ERAP1: variants seen among roughly 807,000 people sequenced by gnomAD.
ERAP1 encodes the protein adipocyte-derived leucine aminopeptidase.
In ERAP1, 86 loss-of-function variants were observed where a neutral mutation model predicts 103.7. The ratio of observed to expected loss-of-function variants is 0.83; its 90% CI spans 0.70 to 0.99. The LOEUF (loss-of-function observed/expected upper bound fraction) is 0.99, where lower values mean the gene tolerates loss of function less well. Among genes scored for constraint, ERAP1 ranks in the 50% least tolerant of loss-of-function variants. The pLI is 0.00. For synonymous variants in ERAP1, 398 were observed against 402.4 expected, an observed-to-expected ratio of 0.99 and a Z score of 0.13; for missense variants, 1,009 against 1,128.4, an observed-to-expected ratio of 0.89 and a Z score of 1.52.
At chr5:96,828,406 A>T in the ERAP1 span, among the ~76,000 whole-genome samples, 107,655 of 152,100 alleles carry the variant, frequency 0.71, 39,130 homozygotes, top group Non-Finnish European at 0.79. Flanking sequence ...TCACTTTGGT[A>T]TCAGTCTTTC....
the ERAP1 span, chr5:96,909,661 C>G: frequency 1.2e-6 from 2 of 1,614,176 alleles, no homozygotes; most frequent in East Asian, 2.2e-5. Flanking sequence ...CAGGATGCTC[C>G]GCTCGGCTCT....
chr5:96,926,967 T>A, the ERAP1 span, among the ~76,000 whole-genome samples: 1 of 152,208 alleles, frequency 6.6e-6, no homozygotes, highest in East Asian at 1.9e-4. Context: ...CAGACATGCA[T>A]CACCATGCCT....
chr5:96,845,297 C>T, the ERAP1 span, among the ~76,000 whole-genome samples: 1 of 152,108 alleles, frequency 6.6e-6, no homozygotes, highest in South Asian at 2.1e-4. Flanking sequence ...TGCAGTGGCA[C>T]AATCTCAGCC....
intron 4 of ERAP1, 60 bp from the exon 5 acceptor site, chr5:96,795,222 G>T: frequency 6.2e-7 from 1 of 1,600,638 alleles, no homozygotes; most frequent in Non-Finnish European, 8.5e-7. Context: ...TCCCCACATT[G>T]TGTAGAAGAC....
rs1778229792 is a variant in ERAP1 at position 96,803,610 on chromosome 5, G to A, written c.317C>T (p.Thr106Ile). The A allele has an allele frequency of 6.2e-7, 1 of 1,614,096 alleles. No homozygotes were observed. The highest frequency in any genetic ancestry group is 1.1e-5 in the South Asian group (1 of 91,086). The part of the protein sequence containing the change: ...HSHHLQISRA[T>I]LRKGAGERLS... ...CCTCTCTCCAGCTCCCTTCCTGAGG[G>A]TGGCCCTAGATATCTGCAGGTGGTG... Residue 106 changes from threonine (T) to isoleucine (I), a missense_variant, in exon 2 of 19, where the codon ACC becomes ATC. Physicochemically the swap from Thr to Ile is moderately conservative, Grantham distance 89. This residue lies in a region of ERAP1 where 392 missense variants were observed against 455.2 expected (regional missense o/e 0.86). Coordinates refer to ENST00000443439, the MANE Select transcript of ERAP1 (RefSeq NM_001040458.3).
At chr5:96,907,694 C>T in the ERAP1 span, among the ~76,000 whole-genome samples, 1 of 151,854 alleles carries the variant, frequency 6.6e-6, no homozygotes, top group East Asian at 1.9e-4. Flanking sequence ...CCAGCCTGGC[C>T]AACATGGTGA....
the ERAP1 span, among the ~76,000 whole-genome samples, chr5:96,858,331 C>T: frequency 1.3e-5 from 2 of 151,710 alleles, no homozygotes; most frequent in Admixed American, 1.3e-4. Context: ...TCTCCTGCCT[C>T]AGCTTCCCGA....
At chr5:96,889,275 T>C in the ERAP1 span, 3 of 1,613,974 alleles carry the variant, frequency 1.9e-6, no homozygotes, top group Non-Finnish European at 1.7e-6. Context: ...TGAAAAGTAC[T>C]TTGATATCTA....
At position 96,776,221 on chromosome 5, in the gene ERAP1, G is replaced by A. The variant is rs538858810; in HGVS notation, c.*175C>T. 3.4e-4 allele frequency: 308 copies of A among 909,614 alleles called. No homozygotes were observed. Among genetic ancestry groups the A allele is most frequent in the Non-Finnish European group, 4.7e-4 (296 of 627,396 alleles). The allele number at this position is 909,614 out of a possible 1,614,324, so 56.3% of individuals were successfully genotyped here. On this transcript the variant is annotated 3_prime_UTR_variant, in exon 19 of 19. Coordinates refer to ENST00000443439, the MANE Select transcript of ERAP1 (RefSeq NM_001040458.3). ...TGTGATGAACAAAACACATGGTAGC[G>A]ATAGCCCATTCATGAAAAACTAACA...
the ERAP1 span, chr5:96,883,800 C>T: frequency 1.6e-5 from 26 of 1,610,186 alleles, no homozygotes; most frequent in Middle Eastern, 1.7e-4. Flanking sequence ...AGAATTCTTG[C>T]AGTAACAGAT....
At chr5:96,915,034 T>C in the ERAP1 span, among the ~76,000 whole-genome samples, 1 of 151,660 alleles carries the variant, frequency 6.6e-6, no homozygotes, top group Non-Finnish European at 1.5e-5. Flanking sequence ...TGAGACGGAG[T>C]TTCATTCTCG....
chr5:96,779,778 T>C (rs989427579), intron 18 of ERAP1, among the ~76,000 whole-genome samples: 2 of 152,220 alleles, frequency 1.3e-5, no homozygotes, highest in East Asian at 1.9e-4. Flanking sequence ...AAAATGTGTA[T>C]GCTTCATGTT....
chr5:96,847,502 A>G, the ERAP1 span, among the ~76,000 whole-genome samples: 2 of 152,212 alleles, frequency 1.3e-5, no homozygotes, highest in African/African-American at 4.8e-5. Flanking sequence ...AGAACACTCC[A>G]TCCAACAGCA....
the ERAP1 span, chr5:96,881,067 C>A: frequency 5.3e-6 from 1 of 187,166 alleles, no homozygotes; most frequent in South Asian, 8.6e-5. Flanking sequence ...TGAGGAAGGC[C>A]AGTGTAAGCT....
At chr5:96,889,590 C>G in the ERAP1 span, 3 of 668,774 alleles carry the variant, frequency 4.5e-6, no homozygotes, top group South Asian at 3.6e-5. Flanking sequence ...ACACTGGAGG[C>G]TGGGACGGAA....
At chr5:96,910,417 T>C in the ERAP1 span, 1 of 152,110 alleles carries the variant, frequency 6.6e-6, no homozygotes, top group Non-Finnish European at 1.5e-5. Flanking sequence ...TTGGACTTTT[T>C]TTCCTTGTTG....
chr5:96,889,101 C>A, the ERAP1 span: 2 of 1,511,880 alleles, frequency 1.3e-6, no homozygotes, highest in Non-Finnish European at 1.8e-6. Context: ...ATACAGTCTG[C>A]CTTTCTGTGT....
At chr5:96,762,220 G>T in exon 20 of ERAP1, 1 of 1,150,600 alleles carries the variant, frequency 8.7e-7, no homozygotes, top group Non-Finnish European at 1.3e-6. Context: ...TGATGGCATT[G>T]TGCTCATAAT....
At chr5:96,891,142 C>G in the ERAP1 span, among the ~76,000 whole-genome samples, 26 of 151,930 alleles carry the variant, frequency 1.7e-4, no homozygotes, top group African/African-American at 5.8e-4. Context: ...TAGAATTAAC[C>G]AGTATTAACT....
Sources: gnomAD v4.1 joint callset for allele counts (sites outside exome capture counted in the v4.1 genomes callset) on GRCh38, gnomAD v4.1.1 for gene constraint, gnomAD v4.1.1 regional missense constraint, MANE v1.5 for transcripts, NCBI Gene and HGNC (gene_info 2026-07-23, HGNC 2026-07-21) for gene names.